NRP2: variants seen among roughly 807,000 people sequenced by gnomAD.
NRP2 encodes the protein neuropilin-2.
NRP2 carries 52 observed loss-of-function variants against 110.4 expected under a neutral mutation model. That is an observed-to-expected ratio of 0.47 (90% CI 0.38 to 0.59). The LOEUF (loss-of-function observed/expected upper bound fraction) is 0.59. NRP2 is among the 20% of genes least tolerant of loss of function. The pLI is 0.00. For synonymous variants in NRP2, 508 were observed against 468.9 expected, an observed-to-expected ratio of 1.08 and a Z score of -1.08; for missense variants, 1,049 against 1,203.0, an observed-to-expected ratio of 0.87 and a Z score of 1.89.
Position 205,745,974 on chromosome 2 carries a change from G to A in NRP2, c.1786+84G>A, listed in dbSNP as rs112766212. On this transcript the variant is annotated intron_variant, in intron 10 of 16. Coordinates refer to ENST00000357785, the MANE Select transcript of NRP2 (RefSeq NM_003872.3). ...CCCACGAGGCCCTGGGAGGGCTGTG[G>A]AGGGGGCAGCCATCCCAGGAGCTGG... is the stretch of plus-strand genomic sequence containing the variant. 2.0e-4 allele frequency: 296 copies of A among 1,515,028 alleles called. 1 individual carries two copies. In the African/African-American group the frequency reaches 3.6e-3, roughly 19 times the overall value. The allele number at this position is 1,515,028 out of a possible 1,614,324, so 93.8% of individuals were successfully genotyped here. A position where few individuals can be genotyped will look rare whatever the true frequency, so the allele number is the denominator to read the frequency against.
intron 2 of NRP2, among the ~76,000 whole-genome samples, chr2:205,706,391 A>G (rs1205871135): frequency 1.3e-5 from 2 of 152,224 alleles, no homozygotes; most frequent in Non-Finnish European, 2.9e-5. Flanking sequence ...ATTTCAGCCC[A>G]GGAACTGGCA....
chr2:205,716,301 C>G lies in NRP2; in HGVS notation c.360C>G (p.Leu120=). The G allele has an allele frequency of 1.2e-6, 2 of 1,614,200 alleles. No individual in the cohort carries two copies. Reference sequence around the variant, plus strand: ...CCATCATCTCCTCGGGCTCCATGCTCTACATCAAGTTCACCTCCGACTACG... The same window carrying G: ...CCATCATCTCCTCGGGCTCCATGCTGTACATCAAGTTCACCTCCGACTACG... ...PPTIISSGSM[L]YIKFTSDYAR... The change falls in exon 3 of 17, where the codon CTC becomes CTG. Residue 120 remains leucine, a synonymous_variant. Coordinates refer to ENST00000357785, the MANE Select transcript of NRP2 (RefSeq NM_003872.3).
intron 15 of NRP2, among the ~76,000 whole-genome samples, chr2:205,786,929 C>T (rs2058242417): frequency 1.3e-5 from 2 of 152,128 alleles, no homozygotes; most frequent in Non-Finnish European, 2.9e-5. Context: ...GGAGTGGCCA[C>T]TCCCAGGAGA....
chr2:205,774,936 G>C (rs752964927), intron 15 of NRP2, among the ~76,000 whole-genome samples: 3 of 152,088 alleles, frequency 2.0e-5, no homozygotes, highest in Non-Finnish European at 4.4e-5. Flanking sequence ...CTTAGGGTGG[G>C]TAGTGTAAGG....
chr2:205,784,859 C>G (rs187719382), intron 15 of NRP2, among the ~76,000 whole-genome samples: 2 of 152,348 alleles, frequency 1.3e-5, no homozygotes, highest in African/African-American at 4.8e-5. Flanking sequence ...TTCCTTCACA[C>G]AAATGCCGCA....
intron 2 of NRP2, among the ~76,000 whole-genome samples, chr2:205,704,678 G>A (rs1447017338): frequency 6.6e-6 from 1 of 152,210 alleles, no homozygotes; most frequent in African/African-American, 2.4e-5. Flanking sequence ...ATTACTTTGG[G>A]CAGTTTGTTT....
chr2:205,720,180 G>T (rs899883676), intron 3 of NRP2, among the ~76,000 whole-genome samples: 2 of 151,584 alleles, frequency 1.3e-5, no homozygotes, highest in African/African-American at 4.8e-5. Context: ...GATAAAACTG[G>T]ACAAAAGTTT....
rs758363053 is a variant in NRP2 at position 205,794,786 on chromosome 2, T to G, written c.2509T>G (p.Ser837Ala). The G allele has an allele frequency of 3.1e-6, 5 of 1,614,198 alleles. No individual in the cohort carries two copies. Among genetic ancestry groups the G allele is most frequent in the Admixed American group, 1.7e-5 (1 of 60,030 alleles). The change falls in exon 17 of 17, where the codon TCT becomes GCT. Residue 837 changes from serine to alanine, a missense_variant. Coordinates refer to ENST00000357785, the MANE Select transcript of NRP2 (RefSeq NM_003872.3). ...CGAGGTGGACTGGAGCAATTCTTCT[T>G]CTGCAACCTCAGGGTCTGGCGCCCC... ...EYEVDWSNSSSATSGSGAPST... is the reference protein window; with the variant it reads ...EYEVDWSNSSAATSGSGAPST...
intron 15 of NRP2, among the ~76,000 whole-genome samples, chr2:205,784,219 T>C (rs1423312647): frequency 6.6e-6 from 1 of 152,180 alleles, no homozygotes; most frequent in Admixed American, 6.5e-5. Context: ...CTGCAACTTA[T>C]TAAAGAGCAG....
At chr2:205,703,901 C>A (rs997252198) in intron 2 of NRP2, among the ~76,000 whole-genome samples, 1 of 152,158 alleles carries the variant, frequency 6.6e-6, no homozygotes, top group African/African-American at 2.4e-5. Context: ...ACCCTTTTCC[C>A]GGTGAAGAGG....
At chr2:205,685,429 A>G (rs926319321) in intron 1 of NRP2, among the ~76,000 whole-genome samples, 6 of 151,930 alleles carry the variant, frequency 3.9e-5, no homozygotes, top group African/African-American at 1.5e-4. Context: ...CCTCTGACTC[A>G]CCCGGTGTGC....
chr2:205,792,131 G>A (rs906299399), intron 15 of NRP2, 104 bp from the exon 16 acceptor site: 2 of 779,670 alleles, frequency 2.6e-6, no homozygotes, highest in Non-Finnish European at 2.3e-6. Flanking sequence ...TTCTCTAGCT[G>A]CCTGCCAGAA....
At chr2:205,741,098 C>T (rs188490482) in intron 8 of NRP2, among the ~76,000 whole-genome samples, 3 of 152,332 alleles carry the variant, frequency 2.0e-5, no homozygotes, top group Admixed American at 1.3e-4. Context: ...GCTGCCTCAA[C>T]CGGGGGCCAA....
At chr2:205,787,234 T>C (rs1452934085) in intron 15 of NRP2, among the ~76,000 whole-genome samples, 1 of 152,118 alleles carries the variant, frequency 6.6e-6, no homozygotes, top group African/African-American at 2.4e-5. Flanking sequence ...GCCCCCAGCC[T>C]AGGGCCCTCC....
At chr2:205,777,109 G>A in intron 15 of NRP2, 1 of 987,608 alleles carries the variant, frequency 1.0e-6, no homozygotes, top group Non-Finnish European at 1.2e-6. Context: ...TACTGTACAA[G>A]TTTTGTTTAC....
chr2:205,741,176 A>C (rs2105867964), intron 8 of NRP2, among the ~76,000 whole-genome samples: 1 of 152,352 alleles, frequency 6.6e-6, no homozygotes, highest in African/African-American at 2.4e-5. Context: ...CATATGGACA[A>C]GTTGGGCAGA....
At chr2:205,706,183 T>C (rs1293792230) in intron 2 of NRP2, among the ~76,000 whole-genome samples, 1 of 152,022 alleles carries the variant, frequency 6.6e-6, no homozygotes, top group East Asian at 1.9e-4. Context: ...TCAGCGGAAG[T>C]AATTGATTCC....
chr2:205,777,085 A>G lies in NRP2; in HGVS notation c.2425+10282A>G, dbSNP rs2058112204. 5 of 994,822 alleles carry G rather than the reference A, an allele frequency of 5.0e-6. No individual in the cohort carries two copies. The South Asian group carries it at 1.8e-4, about 36-fold the overall frequency. 61.6% of individuals were successfully genotyped at this position (994,822 alleles called of 1,614,324 possible). Reference sequence around the variant, plus strand: ...TGTTACTTCTCCTGGGGTACATTTTACAAGAAAATAATATACTGTACAAGT... The same window carrying G: ...TGTTACTTCTCCTGGGGTACATTTTGCAAGAAAATAATATACTGTACAAGT... On this transcript the variant is annotated intron_variant, in intron 15 of 16. Coordinates refer to ENST00000357785, the MANE Select transcript of NRP2 (RefSeq NM_003872.3).
At position 205,722,179 on chromosome 2, in the gene NRP2, A is replaced by T. The variant is rs1383304311; in HGVS notation, c.434-299A>T. On this transcript the variant is annotated intron_variant, in intron 3 of 16. Coordinates refer to ENST00000357785, the MANE Select transcript of NRP2 (RefSeq NM_003872.3). ...CTCTCTCTCTCTCTCTCATACACAC[A>T]CACACACACACACACACACACACAC... 1.8e-5 allele frequency: 7 copies of T among 389,488 alleles called. 1 individual carries two copies. The highest frequency in any genetic ancestry group is 1.2e-4 in the African/African-American group (5 of 41,022). The allele number at this position is 389,488 out of a possible 1,614,324, so 24.1% of individuals were successfully genotyped here.
Sources: allele counts gnomAD v4.1 joint callset (sites outside exome capture counted in the v4.1 genomes callset), GRCh38; gene constraint gnomAD v4.1.1; transcripts MANE v1.5; gene names NCBI Gene and HGNC (gene_info 2026-07-23, HGNC 2026-07-21).